Variants in CHP1 observed in about 807,000 individuals in gnomAD.
CHP1 encodes calcineurin B homologous protein 1.
A neutral mutation model predicts 27.4 loss-of-function variants in CHP1; 11 were observed. The observed-to-expected ratio is 0.40, with a 90% CI of 0.25 to 0.67. CHP1 has a LOEUF of 0.67. Among genes scored for constraint, CHP1 ranks in the 30% least tolerant of loss-of-function variants. The pLI is 0.38. For missense variants in CHP1, 169 were observed against 251.3 expected, an observed-to-expected ratio of 0.67 and a Z score of 2.22; for synonymous variants, 89 against 87.4, an observed-to-expected ratio of 1.02 and a Z score of -0.10.
In CHP1 at chr15:41,231,362, G is replaced by A. The variant is rs1487459118; in HGVS notation, c.-21G>A. ...CGTCTCTTCTGGCGCCGCTGCTCCC[G>A]GAGGAGCTCCCGGCACGGCGATGGG... On this transcript the variant is annotated 5_prime_UTR_variant, in exon 1 of 7. Transcript: ENST00000334660. 6.3e-7 allele frequency: 1 copy of A among 1,589,090 alleles called. No homozygotes were observed. Among genetic ancestry groups the A allele is most frequent in the Non-Finnish European group, 8.6e-7 (1 of 1,169,088 alleles).
Position 41,231,395 on chromosome 15 carries a change from G to A in CHP1, c.13G>A (p.Ala5Thr). The A allele has an allele frequency of 6.2e-7, 1 of 1,602,294 alleles. No homozygotes were observed. Residue 5 changes from alanine (A) to threonine (T), a missense_variant, in exon 1 of 7, where the codon GCC becomes ACC. Coordinates refer to ENST00000334660, the MANE Select transcript of CHP1 (RefSeq NM_007236.5). ...TCCCGGCACGGCGATGGGTTCTCGG[G>A]CCTCCACGTTACTGCGGGACGAAGA... MGSR[A>T]STLLRDEELE... is the part of the protein sequence containing the mutation.
intron 1 of CHP1, among the ~76,000 whole-genome samples, chr15:41,240,707 T>A (rs1281879579): frequency 6.7e-6 from 1 of 148,356 alleles, no homozygotes; most frequent in Non-Finnish European, 1.5e-5. Flanking sequence ...GAGCCAAGAT[T>A]GTGCCATTGC....
intron 1 of CHP1, among the ~76,000 whole-genome samples, chr15:41,231,898 A>T (rs964156205): frequency 1.2e-4 from 18 of 152,306 alleles, no homozygotes; most frequent in Admixed American, 1.1e-3. Context: ...GGAAATTACA[A>T]ACAAGTTCTT....
At chr15:41,246,661 C>T (rs1254075585) in intron 2 of CHP1, among the ~76,000 whole-genome samples, 1 of 112,772 alleles carries the variant, frequency 8.9e-6, no homozygotes, top group African/African-American at 3.4e-5. Context: ...GAGAGAGAGT[C>T]TCGCTCTGTA....
At chr15:41,262,622 C>A in intron 3 of CHP1, 134 bp from the exon 4 acceptor site, 1 of 1,132,106 alleles carries the variant, frequency 8.8e-7, no homozygotes, top group Non-Finnish European at 1.3e-6. Flanking sequence ...CCCAAAGTAC[C>A]ATGCGTATGG....
intron 1 of CHP1, among the ~76,000 whole-genome samples, chr15:41,238,447 G>C (rs916337204): frequency 6.6e-6 from 1 of 152,072 alleles, no homozygotes; most frequent in Non-Finnish European, 1.5e-5. Context: ...ACAGGCATGA[G>C]CCACTGCCCT....
chr15:41,234,130 C>G (rs1381549687), intron 1 of CHP1: 1 of 152,030 alleles, frequency 6.6e-6, no homozygotes, highest in African/African-American at 2.4e-5. Flanking sequence ...TTATTTTTAT[C>G]TTTTGTAGAG....
At chr15:41,263,881 AG>A (rs1326455698) in intron 4 of CHP1, among the ~76,000 whole-genome samples, 1 of 152,178 alleles carries the variant, frequency 6.6e-6, no homozygotes, top group African/African-American at 2.4e-5. Context: ...AACAAAGAAA[AG>A]AAAACAAAAC....
At chr15:41,277,382 G>A (rs531884645) in intron 5 of CHP1, among the ~76,000 whole-genome samples, 60 of 152,284 alleles carry the variant, frequency 3.9e-4, no homozygotes, top group Non-Finnish European at 6.3e-4. Flanking sequence ...GGTGGCTCAC[G>A]CCTATAATCT....
chr15:41,268,414 A>G (rs1363942899), intron 4 of CHP1, among the ~76,000 whole-genome samples: 1 of 152,110 alleles, frequency 6.6e-6, no homozygotes, highest in Non-Finnish European at 1.5e-5. Context: ...TGGCAGGCTG[A>G]GGCAGGTAGA....
At chr15:41,263,298 A>C (rs984762884) in intron 4 of CHP1, among the ~76,000 whole-genome samples, 4 of 152,238 alleles carry the variant, frequency 2.6e-5, no homozygotes, top group African/African-American at 9.6e-5. Context: ...ATAGTGAACA[A>C]GACCCAGGCC....
At chr15:41,265,641 G>A (rs1004310442) in intron 4 of CHP1, among the ~76,000 whole-genome samples, 6 of 151,428 alleles carry the variant, frequency 4.0e-5, no homozygotes, top group Admixed American at 3.3e-4. Flanking sequence ...AACCTGGGGG[G>A]CAGAGGTTGC....
In CHP1 at chr15:41,279,403, G is replaced by C. The variant is rs1193294447; in HGVS notation, c.*14G>C. On this transcript the variant is annotated 3_prime_UTR_variant, in exon 7 of 7. Coordinates refer to ENST00000334660, the MANE Select transcript of CHP1 (RefSeq NM_007236.5). ...TTTCTTCACTAAAGGAGACCAAACT[G>C]TTCCTTGCGGTCTAGTATTTAAGAA... 1.2e-6 allele frequency: 2 copies of C among 1,609,206 alleles called. No individual in the cohort carries two copies. Among genetic ancestry groups the C allele is most frequent in the Non-Finnish European group, 1.7e-6 (2 of 1,177,022 alleles).
intron 2 of CHP1, among the ~76,000 whole-genome samples, chr15:41,255,160 C>T (rs974950243): frequency 1.9e-4 from 29 of 152,064 alleles, no homozygotes; most frequent in Non-Finnish European, 1.6e-4. Context: ...ACATATTATC[C>T]AATAATGTCC....
chr15:41,270,957 T>C (rs185286183), intron 5 of CHP1, among the ~76,000 whole-genome samples: 1 of 152,046 alleles, frequency 6.6e-6, no homozygotes, highest in African/African-American at 2.4e-5. Flanking sequence ...CTAGTAAAAA[T>C]ACAAAAATTA....
At chr15:41,231,901 A>G (rs974131865) in intron 1 of CHP1, among the ~76,000 whole-genome samples, 1 of 152,138 alleles carries the variant, frequency 6.6e-6, no homozygotes, top group Non-Finnish European at 1.5e-5. Context: ...AATTACAAAC[A>G]AGTTCTTGTC....
intron 2 of CHP1, among the ~76,000 whole-genome samples, chr15:41,250,412 G>A (rs2047359582): frequency 6.6e-6 from 1 of 151,888 alleles, no homozygotes; most frequent in Non-Finnish European, 1.5e-5. Context: ...TTCTAAAAAG[G>A]CAGCTTAGGC....
chr15:41,279,313 CTG>C lies in CHP1; in HGVS notation c.535-21_535-20del, dbSNP rs767503443. 1.7e-5 allele frequency: 27 copies of C among 1,597,026 alleles called. No homozygotes were observed. The African/African-American group carries it at 3.2e-4, about 19-fold the overall frequency. On this transcript the variant is annotated intron_variant, in intron 6 of 6. Transcript: ENST00000334660. Reference sequence around the variant, plus strand: ...GTTGTAATCTTCATAACCTTTGTAACTGTTACTGGTTTTCTCCCCCAGGTTTT... The same window carrying C: ...GTTGTAATCTTCATAACCTTTGTAACTTACTGGTTTTCTCCCCCAGGTTTT...
chr15:41,263,014 A>G (rs2047441232), intron 4 of CHP1, 131 bp downstream of exon 4: 3 of 1,210,184 alleles, frequency 2.5e-6, no homozygotes, highest in South Asian at 1.6e-5. Flanking sequence ...CTGGAGCTAA[A>G]CTGGCCAAGA....
Sources: gnomAD v4.1 joint callset for allele counts (sites outside exome capture counted in the v4.1 genomes callset) on GRCh38, gnomAD v4.1.1 for gene constraint, MANE v1.5 for transcripts, NCBI Gene and HGNC (gene_info 2026-07-23, HGNC 2026-07-21) for gene names.